SUPT3H: variants seen among roughly 807,000 people sequenced by gnomAD.
SUPT3H encodes the protein SPT3 homolog, SAGA and STAGA complex component.
In SUPT3H, 44 loss-of-function variants were observed where a neutral mutation model predicts 44.3. That is an observed-to-expected ratio of 0.99 (90% CI 0.78 to 1.28). The LOEUF (loss-of-function observed/expected upper bound fraction) is 1.28, where lower values mean the gene tolerates loss of function less well. SUPT3H is among the 50% of genes most tolerant of loss of function. The pLI is 0.00. For synonymous variants in SUPT3H, 124 were observed against 125.6 expected, an observed-to-expected ratio of 0.99 and a Z score of 0.09; for missense variants, 380 against 387.1, an observed-to-expected ratio of 0.98 and a Z score of 0.15.
At chr6:45,176,144 T>C (rs1042186918) in intron 2 of SUPT3H, among the ~76,000 whole-genome samples, 4 of 152,106 alleles carry the variant, frequency 2.6e-5, no homozygotes, top group Admixed American at 1.3e-4. Flanking sequence ...GGGTGATTTC[T>C]GCATTTCCAT....
intron 2 of SUPT3H, among the ~76,000 whole-genome samples, chr6:45,157,695 C>T (rs373404723): frequency 3.3e-5 from 5 of 151,678 alleles, no homozygotes; most frequent in Admixed American, 2.6e-4. Flanking sequence ...ATTACAGGCG[C>T]GCACCACCAT....
chr6:45,128,979 C>T (rs754213975), intron 2 of SUPT3H, among the ~76,000 whole-genome samples: 32 of 152,294 alleles, frequency 2.1e-4, no homozygotes, highest in Middle Eastern at 3.4e-3. Flanking sequence ...GGCCACCACG[C>T]CTGGCCTCTA....
intron 2 of SUPT3H, among the ~76,000 whole-genome samples, chr6:45,131,936 C>T (rs180952759): frequency 4.9e-4 from 74 of 152,152 alleles, no homozygotes; most frequent in Non-Finnish European, 7.6e-4. Context: ...CTGGGTAGTA[C>T]GGAATCCTAA....
intron 3 of SUPT3H, among the ~76,000 whole-genome samples, chr6:45,049,677 C>CA (rs1308472737): frequency 6.6e-6 from 1 of 152,118 alleles, no homozygotes; most frequent in Non-Finnish European, 1.5e-5. Flanking sequence ...CAAGTAGCTT[C>CA]ATTGTTTATA....
chr6:44,928,301 G>A (rs952344428), intron 10 of SUPT3H, among the ~76,000 whole-genome samples: 5 of 152,124 alleles, frequency 3.3e-5, no homozygotes, highest in Non-Finnish European at 7.4e-5. Context: ...GAATACTGCA[G>A]ATCATAGAAT....
intron 6 of SUPT3H, among the ~76,000 whole-genome samples, chr6:44,970,143 T>G (rs1163698737): frequency 6.6e-6 from 1 of 152,146 alleles, no homozygotes; most frequent in East Asian, 1.9e-4. Flanking sequence ...TCATACATTT[T>G]AAACTATCAA....
At chr6:44,979,001 CT>C (rs1778727166) in intron 6 of SUPT3H, among the ~76,000 whole-genome samples, 1 of 152,146 alleles carries the variant, frequency 6.6e-6, no homozygotes, top group African/African-American at 2.4e-5. Context: ...ATATTCTTTT[CT>C]ATTGGTGCCT....
intron 3 of SUPT3H, among the ~76,000 whole-genome samples, chr6:45,024,557 C>A (rs570372486): frequency 3.9e-5 from 6 of 152,178 alleles, no homozygotes; most frequent in Non-Finnish European, 5.9e-5. Context: ...TGCCTTTCCA[C>A]TAATTATATT....
At chr6:44,981,045 G>A (rs1263836175) in intron 6 of SUPT3H, among the ~76,000 whole-genome samples, 1 of 152,216 alleles carries the variant, frequency 6.6e-6, no homozygotes, top group Admixed American at 6.5e-5. Context: ...CTACTTAAAT[G>A]CTTTGCCGTT....
chr6:45,046,076 A>G (rs1789349559), intron 3 of SUPT3H, among the ~76,000 whole-genome samples: 1 of 152,170 alleles, frequency 6.6e-6, no homozygotes, highest in Non-Finnish European at 1.5e-5. Context: ...TTTTTCTAGA[A>G]GTTTAATAAT....
chr6:45,365,863 C>G (rs1040417147), intron 1 of SUPT3H, among the ~76,000 whole-genome samples: 1 of 140,398 alleles, frequency 7.1e-6, no homozygotes, highest in Non-Finnish European at 1.6e-5. Context: ...ATAATAATGT[C>G]AATCGGTAGA....
intron 10 of SUPT3H, among the ~76,000 whole-genome samples, chr6:44,877,045 A>G (rs1777421446): frequency 6.6e-6 from 1 of 152,234 alleles, no homozygotes. Flanking sequence ...GTGTATTTCT[A>G]TAAATTTGCT....
At chr6:45,154,087 A>AACAAAAAAAAAAC (rs70996303) in intron 2 of SUPT3H, among the ~76,000 whole-genome samples, 1 of 114,620 alleles carries the variant, frequency 8.7e-6, no homozygotes, top group Non-Finnish European at 1.8e-5. Flanking sequence ...AAAAAAAAAA[A>AACAAAAAAAAAAC]AGCGCTTAGT....
chr6:44,931,953 CAGTT>C (rs1360683435), intron 10 of SUPT3H, among the ~76,000 whole-genome samples: 3 of 152,118 alleles, frequency 2.0e-5, no homozygotes, highest in Non-Finnish European at 2.9e-5. Flanking sequence ...TGACTTTCCT[CAGTT>C]AGGTATATCA....
In SUPT3H at chr6:44,944,762, C is replaced by CAAAAAAAAAAAAAAAA. The variant is rs57506313; in HGVS notation, c.801+8532_801+8547dup. On this transcript the variant is annotated intron_variant, in intron 9 of 10. Transcript: ENST00000371459. ...GGGAGACAAAGCAAGACCCTCTCTC[C>CAAAAAAAAAAAAAAAA]AAAAAAAAAAAAAAAAAAAAAAAGA... Among the ~76,000 whole-genome samples the CAAAAAAAAAAAAAAAA allele has an allele frequency of 5.7e-4, 17 of 29,880 alleles. 1 individual carries two copies. The highest frequency in any genetic ancestry group is 1.1e-3 in the African/African-American group (14 of 12,550). The allele number at this position is 29,880 out of a possible 152,430, so 19.6% of individuals were successfully genotyped here.
chr6:45,294,013 C>T (rs1445962499), intron 2 of SUPT3H, among the ~76,000 whole-genome samples: 1 of 152,066 alleles, frequency 6.6e-6, no homozygotes, highest in African/African-American at 2.4e-5. Context: ...AATACTAAAA[C>T]CAGGAAAGGA....
At chr6:45,300,434 G>A (rs187533971) in intron 2 of SUPT3H, among the ~76,000 whole-genome samples, 1 of 152,292 alleles carries the variant, frequency 6.6e-6, no homozygotes, top group Non-Finnish European at 1.5e-5. Context: ...AAGCATTGGT[G>A]AGCATGTGGA....
intron 3 of SUPT3H, among the ~76,000 whole-genome samples, chr6:45,063,456 G>T (rs977870488): frequency 1.4e-5 from 2 of 147,496 alleles, no homozygotes; most frequent in African/African-American, 5.2e-5. Context: ...AAAGCTGGAC[G>T]GAGAATGACT....
rs7747774 is a variant in SUPT3H at position 45,089,750 on chromosome 6, A to G, written c.186+16172T>C. Among the ~76,000 whole-genome samples the G allele has an allele frequency of 2.6e-5, 4 of 152,052 alleles. No homozygotes were observed. The South Asian group carries it at 6.2e-4, about 24-fold the overall frequency. On this transcript the variant is annotated intron_variant, in intron 3 of 10. Transcript: ENST00000371459. ...ACTGTGCAACTTAGAGCTAGCAACA[A>G]CTTTTGCCTAAATACTGCAATATCC... is the stretch of plus-strand genomic sequence containing the variant.
Sources: allele counts gnomAD v4.1 joint callset (sites outside exome capture counted in the v4.1 genomes callset), GRCh38; gene constraint gnomAD v4.1.1; transcripts MANE v1.5; gene names NCBI Gene and HGNC (gene_info 2026-07-23, HGNC 2026-07-21).